Variants in UHRF2 observed in about 807,000 individuals in gnomAD.
The protein encoded by UHRF2 is E3 ubiquitin-protein ligase UHRF2.
UHRF2 carries 23 observed loss-of-function variants against 96.8 expected under a neutral mutation model. The ratio of observed to expected loss-of-function variants is 0.24; its 90% CI spans 0.17 to 0.34. UHRF2 has a LOEUF of 0.34. UHRF2 is among the 10% of genes least tolerant of loss of function. The pLI, the probability that UHRF2 is intolerant of heterozygous loss-of-function variation, is 1.00. For missense variants in UHRF2, 685 were observed against 981.5 expected (o/e 0.70, Z 4.04); for synonymous variants, 385 against 332.6 (o/e 1.16, Z -1.72).
At chr9:6,436,897 A>T (rs971896783) in intron 3 of UHRF2, among the ~76,000 whole-genome samples, 7 of 152,232 alleles carry the variant, frequency 4.6e-5, no homozygotes, top group African/African-American at 1.7e-4. Flanking sequence ...TGGCAACTTA[A>T]AGATACGATA....
intron 3 of UHRF2, among the ~76,000 whole-genome samples, chr9:6,455,288 C>G (rs776392276): frequency 6.6e-6 from 1 of 152,136 alleles, no homozygotes; most frequent in Non-Finnish European, 1.5e-5. Flanking sequence ...TCCCTCCCCC[C>G]TCTCTCCACC....
At chr9:6,499,337 G>T (rs968367407) in intron 12 of UHRF2, 1 of 151,794 alleles carries the variant, frequency 6.6e-6, no homozygotes, top group African/African-American at 2.4e-5. Context: ...GCTGGTGGAG[G>T]ATTTAGTAAT....
intron 4 of UHRF2, chr9:6,468,445 CAA>C (rs1823009664): frequency 2.2e-6 from 1 of 456,020 alleles, no homozygotes; most frequent in Non-Finnish European, 4.4e-6. Context: ...ACCAGAGAAT[CAA>C]AGAGAACCAA....
At chr9:6,453,973 A>T (rs1338864807) in intron 3 of UHRF2, among the ~76,000 whole-genome samples, 2 of 152,196 alleles carry the variant, frequency 1.3e-5, no homozygotes, top group East Asian at 3.8e-4. Context: ...TGTACTTGTC[A>T]GGTTCCTTCT....
At chr9:6,492,714 G>A (rs1403812678) in intron 9 of UHRF2, 1 of 152,058 alleles carries the variant, frequency 6.6e-6, no homozygotes, top group African/African-American at 2.4e-5. Flanking sequence ...AGTGTTAGTA[G>A]GATTAATTGT....
At chr9:6,505,483 G>A (rs1446161751) in intron 15 of UHRF2, among the ~76,000 whole-genome samples, 1 of 152,100 alleles carries the variant, frequency 6.6e-6, no homozygotes, top group African/African-American at 2.4e-5. Context: ...TTTTAGTAGA[G>A]ACAGGGTTTC....
At chr9:6,428,911 C>A (rs1316168916) in intron 2 of UHRF2, among the ~76,000 whole-genome samples, 2 of 152,164 alleles carry the variant, frequency 1.3e-5, no homozygotes, top group East Asian at 3.9e-4. Context: ...TGCCTGTAAT[C>A]CCAGCACTTT....
chr9:6,483,535 C>CT (rs1427349439), intron 8 of UHRF2, among the ~76,000 whole-genome samples: 2 of 152,090 alleles, frequency 1.3e-5, no homozygotes, highest in Non-Finnish European at 2.9e-5. Context: ...ACACAGCCGT[C>CT]TGTTTATTTT....
At chr9:6,422,206 C>T (rs1241586369) in intron 2 of UHRF2, among the ~76,000 whole-genome samples, 1 of 152,190 alleles carries the variant, frequency 6.6e-6, no homozygotes, top group Non-Finnish European at 1.5e-5. Flanking sequence ...CCTCTGCCTC[C>T]TAAGTAGTGG....
intron 1 of UHRF2, chr9:6,415,119 G>A (rs1052716670): frequency 1.3e-5 from 2 of 152,208 alleles, no homozygotes; most frequent in African/African-American, 4.8e-5. Flanking sequence ...CAGCACCAGA[G>A]ATAGAAATGA....
intron 4 of UHRF2, among the ~76,000 whole-genome samples, chr9:6,472,443 G>A (rs564266814): frequency 6.6e-6 from 1 of 152,274 alleles, no homozygotes; most frequent in East Asian, 1.9e-4. Flanking sequence ...TTTAAGTCAA[G>A]CCAAACTAGC....
chr9:6,474,531 C>A (rs1355787364), intron 4 of UHRF2, among the ~76,000 whole-genome samples: 1 of 152,070 alleles, frequency 6.6e-6, no homozygotes, highest in Non-Finnish European at 1.5e-5. Flanking sequence ...CATGGTGAAA[C>A]CCTGTCTCTA....
chr9:6,451,467 T>G (rs769054578), intron 3 of UHRF2, among the ~76,000 whole-genome samples: 274 of 2,354 alleles, frequency 0.12, no homozygotes, highest in Non-Finnish European at 0.47. Flanking sequence ...TTTTTTTTTG[T>G]TTTTTTTTTT....
chr9:6,449,008 A>G (rs1414188476), intron 3 of UHRF2, among the ~76,000 whole-genome samples: 1 of 152,152 alleles, frequency 6.6e-6, no homozygotes, highest in Non-Finnish European at 1.5e-5. Context: ...ACTCATAGCC[A>G]ATTTTGTCTT....
At chr9:6,419,398 A>G (rs1587756838) in intron 1 of UHRF2, among the ~76,000 whole-genome samples, 2 of 152,304 alleles carry the variant, frequency 1.3e-5, no homozygotes, top group Non-Finnish European at 2.9e-5. Context: ...TTGCAGATCG[A>G]TAGAATTAGA....
chr9:6,494,013 A>G (rs1587875949), intron 10 of UHRF2, 81 bp downstream of exon 10: 5 of 1,249,452 alleles, frequency 4.0e-6, no homozygotes, highest in Non-Finnish European at 4.4e-6. Flanking sequence ...CTTACGTTGC[A>G]GAGGAGAATT....
chr9:6,467,630 T>C (rs1822957701), intron 4 of UHRF2, among the ~76,000 whole-genome samples: 1 of 134,108 alleles, frequency 7.5e-6, no homozygotes, highest in Admixed American at 8.0e-5. Context: ...TATTTTAACA[T>C]CTCTGAAATA....
At chr9:6,478,707 T>C (rs1249110261) in intron 6 of UHRF2, among the ~76,000 whole-genome samples, 1 of 152,196 alleles carries the variant, frequency 6.6e-6, no homozygotes, top group Non-Finnish European at 1.5e-5. Context: ...ATAACTGATG[T>C]CACAAGTGGG....
intron 8 of UHRF2, 143 bp downstream of exon 8, chr9:6,482,242 T>C: frequency 4.4e-6 from 3 of 682,248 alleles, no homozygotes; most frequent in Non-Finnish European, 7.5e-6. Context: ...GGGTGTACTC[T>C]TCCTGGAGGT....
Sources: allele counts gnomAD v4.1 joint callset (sites outside exome capture counted in the v4.1 genomes callset), GRCh38; gene constraint gnomAD v4.1.1; transcripts MANE v1.5; gene names NCBI Gene and HGNC (gene_info 2026-07-23, HGNC 2026-07-21).